CATSPERB: variants seen among roughly 807,000 people sequenced by gnomAD.
CATSPERB encodes the protein catsper channel auxiliary subunit beta, also known as cation channel sperm-associated auxiliary subunit beta.
CATSPERB carries 93 observed loss-of-function variants against 128.3 expected under a neutral mutation model. The observed-to-expected ratio is 0.72, with a 90% CI of 0.61 to 0.86. CATSPERB has a LOEUF of 0.86. Ranked by LOEUF, CATSPERB falls within the 40% of genes least tolerant of loss-of-function variation. The pLI is 0.00. For missense variants in CATSPERB, 1,153 were observed against 1,329.5 expected, an observed-to-expected ratio of 0.87 and a Z score of 2.06; for synonymous variants, 381 against 448.8, an observed-to-expected ratio of 0.85 and a Z score of 1.91.
intron 17 of CATSPERB, among the ~76,000 whole-genome samples, chr14:91,631,524 G>T (rs1350726860): frequency 6.6e-6 from 1 of 152,070 alleles, no homozygotes; most frequent in African/African-American, 2.4e-5. Context: ...AATTAGTCAG[G>T]CGTGGTGGTG....
intron 14 of CATSPERB, among the ~76,000 whole-genome samples, chr14:91,664,190 C>T (rs1299223486): frequency 2.0e-5 from 3 of 150,550 alleles, no homozygotes; most frequent in African/African-American, 7.3e-5. Context: ...ATATTGGAAT[C>T]ATAAAGTTTG....
chr14:91,724,288 A>C (rs929856060), intron 3 of CATSPERB, among the ~76,000 whole-genome samples: 3 of 152,136 alleles, frequency 2.0e-5, no homozygotes, highest in African/African-American at 7.2e-5. Context: ...CCAAGACTGG[A>C]CCCCAGCTCT....
At chr14:91,638,201 A>G (rs190757698) in intron 16 of CATSPERB, among the ~76,000 whole-genome samples, 2 of 152,306 alleles carry the variant, frequency 1.3e-5, no homozygotes, top group African/African-American at 4.8e-5. Context: ...TGATGGTTTG[A>G]GAGTGTCCAG....
chr14:91,691,668 A>G (rs993753464), intron 9 of CATSPERB, 113 bp from the exon 10 acceptor site: 1 of 724,810 alleles, frequency 1.4e-6, no homozygotes, highest in African/African-American at 1.8e-5. Flanking sequence ...TTGAAACAAA[A>G]TTATAACTAA....
intron 5 of CATSPERB, among the ~76,000 whole-genome samples, chr14:91,716,137 C>T (rs1015885275): frequency 6.6e-6 from 1 of 152,170 alleles, no homozygotes; most frequent in African/African-American, 2.4e-5. Flanking sequence ...GAAAAGACAA[C>T]CCCAGACTGG....
intron 9 of CATSPERB, among the ~76,000 whole-genome samples, chr14:91,692,213 AT>A (rs1165895589): frequency 6.6e-6 from 1 of 150,554 alleles, no homozygotes; most frequent in Non-Finnish European, 1.5e-5. Flanking sequence ...GTGTGCTGGC[AT>A]ATGCAAGTCT....
chr14:91,610,053 G>C (rs1258364914), intron 21 of CATSPERB, among the ~76,000 whole-genome samples: 1 of 152,132 alleles, frequency 6.6e-6, no homozygotes, highest in African/African-American at 2.4e-5. Context: ...TATGAGGTTT[G>C]TCTGTGAATT....
intron 7 of CATSPERB, among the ~76,000 whole-genome samples, chr14:91,702,336 T>G (rs1895663875): frequency 6.6e-6 from 1 of 151,148 alleles, no homozygotes; most frequent in Non-Finnish European, 1.5e-5. Context: ...AAAGACACAA[T>G]TATTAGGTTG....
chr14:91,638,588 T>A (rs931423334), intron 16 of CATSPERB, among the ~76,000 whole-genome samples: 1 of 152,096 alleles, frequency 6.6e-6, no homozygotes, highest in Non-Finnish European at 1.5e-5. Flanking sequence ...ACCAGGCTAA[T>A]TTTTTAATTC....
chr14:91,712,465 C>T lies in CATSPERB; in HGVS notation c.371-4229G>A, dbSNP rs138632217. On this transcript the variant is annotated intron_variant, in intron 5 of 26. Coordinates refer to ENST00000256343, the MANE Select transcript of CATSPERB (RefSeq NM_024764.4). Reference sequence around the variant, plus strand: ...AATCAGTAAGTAATGGTAGTCATAGCGGTGGTGGATTAAATAAAGGAATAA... The same window carrying T: ...AATCAGTAAGTAATGGTAGTCATAGTGGTGGTGGATTAAATAAAGGAATAA... Among the ~76,000 whole-genome samples, 666 of 152,084 alleles carry T rather than the reference C, an allele frequency of 4.4e-3. 5 individuals are homozygous for T. Among genetic ancestry groups the T allele is most frequent in the African/African-American group, 0.015 (618 of 41,512 alleles).
In CATSPERB at chr14:91,581,123, C is replaced by T; in HGVS notation, c.3133-16G>A. The T allele has an allele frequency of 1.2e-6, 2 of 1,602,904 alleles. No individual in the cohort carries two copies. Among genetic ancestry groups the T allele is most frequent in the Non-Finnish European group, 1.7e-6 (2 of 1,171,874 alleles). On this transcript the variant is annotated splice_polypyrimidine_tract_variant and intron_variant, in intron 26 of 26. Transcript: ENST00000256343. ...CAACATAAATCTGCAACAGAAAAAG[C>T]AAAGTCTTTAAGCTTTCTGAATTTA... is the stretch of plus-strand genomic sequence containing the variant.
intron 20 of CATSPERB, among the ~76,000 whole-genome samples, chr14:91,616,278 A>G (rs1368334938): frequency 6.6e-6 from 1 of 152,090 alleles, no homozygotes; most frequent in Non-Finnish European, 1.5e-5. Flanking sequence ...CTTATCTTTC[A>G]TCTTTCATCA....
At chr14:91,658,910 C>T (rs532898050) in intron 15 of CATSPERB, among the ~76,000 whole-genome samples, 6 of 151,232 alleles carry the variant, frequency 4.0e-5, no homozygotes, top group African/African-American at 1.5e-4. Flanking sequence ...AAGTGCAGGT[C>T]GCAAACATAC....
Position 91,693,114 on chromosome 14 carries a change from C to A in CATSPERB, c.831+12G>T, listed in dbSNP as rs1895498020. On this transcript the variant is annotated intron_variant, in intron 9 of 26. Transcript: ENST00000256343. ...TTAAGATTAGCTATTAGTTACAAAGCAATTTACATACCGATAAGCTGTGGC... is the reference window on the plus strand; with the variant it reads ...TTAAGATTAGCTATTAGTTACAAAGAAATTTACATACCGATAAGCTGTGGC... 2 of 1,547,842 alleles carry A rather than the reference C, an allele frequency of 1.3e-6. No individual in the cohort carries two copies. The highest frequency in any genetic ancestry group is 1.8e-6 in the Non-Finnish European group (2 of 1,125,422).
intron 11 of CATSPERB, among the ~76,000 whole-genome samples, chr14:91,682,002 A>G (rs1895289397): frequency 6.6e-6 from 1 of 152,226 alleles, no homozygotes; most frequent in Non-Finnish European, 1.5e-5. Context: ...TCATGAATAC[A>G]TTATTTATCT....
At position 91,618,852 on chromosome 14, in the gene CATSPERB, G is replaced by A. The variant is rs1233213121; in HGVS notation, c.2261-1116C>T. 9.2e-5 allele frequency among the ~76,000 whole-genome samples: 14 copies of A among 152,250 alleles called. No homozygotes were observed. In the East Asian group the frequency reaches 1.9e-3, roughly 21 times the overall value. ...GGCCAGTGCTTCCTAGCCTTTACCC[G>A]GAGATTTTGTTGAAATACAGATTGA... On this transcript the variant is annotated intron_variant, in intron 19 of 26. Coordinates refer to ENST00000256343, the MANE Select transcript of CATSPERB (RefSeq NM_024764.4).
At chr14:91,689,025 A>C (rs1362142784) in intron 10 of CATSPERB, among the ~76,000 whole-genome samples, 1 of 152,130 alleles carries the variant, frequency 6.6e-6, no homozygotes. Flanking sequence ...GAATTTTGAC[A>C]ATTGGAATAA....
intron 15 of CATSPERB, chr14:91,646,084 C>G (rs1894598816): frequency 6.5e-6 from 1 of 154,770 alleles, no homozygotes; most frequent in South Asian, 2.0e-4. Flanking sequence ...GGTGCGCGCA[C>G]CAACTGGCCT....
intron 24 of CATSPERB, among the ~76,000 whole-genome samples, chr14:91,588,930 A>G (rs576886100): frequency 7.2e-5 from 11 of 152,364 alleles, no homozygotes; most frequent in African/African-American, 2.2e-4. Context: ...ATTTAGTAAC[A>G]TATTAATGGC....
Sources: gnomAD v4.1 joint callset for allele counts (sites outside exome capture counted in the v4.1 genomes callset) on GRCh38, gnomAD v4.1.1 for gene constraint, MANE v1.5 for transcripts, NCBI Gene and HGNC (gene_info 2026-07-23, HGNC 2026-07-21) for gene names.